KPNA6: variants seen among roughly 807,000 people sequenced by gnomAD.
KPNA6 encodes the protein karyopherin subunit alpha 6, also known as importin subunit alpha-7.
KPNA6 carries 9 observed loss-of-function variants against 72.0 expected under a neutral mutation model. That is an observed-to-expected ratio of 0.13 (90% CI 0.08 to 0.22). The LOEUF is 0.22. KPNA6 is among the 10% of genes least tolerant of loss of function. The pLI, the probability that KPNA6 is intolerant of heterozygous loss-of-function variation, is 1.00. For missense variants in KPNA6, 374 were observed against 655.7 expected (o/e 0.57, Z 4.69); for synonymous variants, 219 against 242.1 (o/e 0.90, Z 0.89).
At chr1:32,154,983 C>T (rs956238519) in intron 2 of KPNA6, among the ~76,000 whole-genome samples, 3 of 151,866 alleles carry the variant, frequency 2.0e-5, no homozygotes, top group Non-Finnish European at 2.9e-5. Context: ...TGGTGGCATG[C>T]GCCTGCAATC....
At chr1:32,141,375 CT>C (rs71006334) in intron 1 of KPNA6, among the ~76,000 whole-genome samples, 1 of 54,470 alleles carries the variant, frequency 1.8e-5, no homozygotes, top group Non-Finnish European at 4.0e-5. Flanking sequence ...TAAGTTAATC[CT>C]TTTTTTTTTT....
intron 11 of KPNA6, 75 bp downstream of exon 11, chr1:32,166,305 G>T (rs1445003784): frequency 2.6e-5 from 39 of 1,512,756 alleles, no homozygotes; most frequent in Non-Finnish European, 3.5e-5. Flanking sequence ...TTTGCTTTCA[G>T]AAGAAAGAAT....
At chr1:32,123,461 C>T (rs1486488509) in intron 1 of KPNA6, among the ~76,000 whole-genome samples, 3 of 152,008 alleles carry the variant, frequency 2.0e-5, no homozygotes, top group African/African-American at 4.8e-5. Context: ...CTAAACAGGG[C>T]GGGGCATGGT....
At chr1:32,131,510 A>G (rs549015753) in intron 1 of KPNA6, among the ~76,000 whole-genome samples, 7 of 152,196 alleles carry the variant, frequency 4.6e-5, no homozygotes, top group Middle Eastern at 3.4e-3. Flanking sequence ...GTAAAAAAAG[A>G]TTTAAAAATT....
At chr1:32,112,048 T>C (rs1023618253) in intron 1 of KPNA6, among the ~76,000 whole-genome samples, 1 of 152,200 alleles carries the variant, frequency 6.6e-6, no homozygotes, top group African/African-American at 2.4e-5. Flanking sequence ...TCTAGCTCCC[T>C]AGACAGTGAT....
chr1:32,146,999 G>A (rs1468857823), intron 1 of KPNA6, among the ~76,000 whole-genome samples: 1 of 151,938 alleles, frequency 6.6e-6, no homozygotes, highest in Non-Finnish European at 1.5e-5. Context: ...GGGACTGCAG[G>A]TGCATACCAC....
chr1:32,143,002 A>C (rs1211136518), intron 1 of KPNA6: 2 of 1,289,658 alleles, frequency 1.6e-6, no homozygotes, highest in East Asian at 1.1e-4. Context: ...GCCCAGGCTC[A>C]GTCATGAAAA....
intron 1 of KPNA6, among the ~76,000 whole-genome samples, chr1:32,144,894 C>G (rs575297713): frequency 1.3e-5 from 2 of 151,954 alleles, no homozygotes; most frequent in Admixed American, 1.3e-4. Flanking sequence ...AATCTCCCCA[C>G]CTCAGCCTCC....
chr1:32,137,636 G>A (rs564031752), intron 1 of KPNA6, among the ~76,000 whole-genome samples: 13 of 152,212 alleles, frequency 8.5e-5, no homozygotes, highest in South Asian at 8.3e-4. Context: ...TGCTATAGAC[G>A]CAAAGATAAG....
chr1:32,156,748 C>CTACT, intron 2 of KPNA6, 105 bp from the exon 3 acceptor site: 1 of 802,752 alleles, frequency 1.2e-6, no homozygotes, highest in South Asian at 1.8e-5. Context: ...CACTTCTCAG[C>CTACT]TACTCTAGTA....
At chr1:32,147,409 A>G (rs1229981640) in intron 1 of KPNA6, among the ~76,000 whole-genome samples, 1 of 151,900 alleles carries the variant, frequency 6.6e-6, no homozygotes, top group African/African-American at 2.4e-5. Flanking sequence ...CTCCTGACTT[A>G]GAGGTGTCCC....
chr1:32,167,404 C>G, intron 12 of KPNA6, 108 bp downstream of exon 12: 1 of 1,227,066 alleles, frequency 8.1e-7, no homozygotes, highest in East Asian at 2.4e-5. Context: ...GGTCTGCCCC[C>G]TAGTCTCACT....
chr1:32,115,705 A>G (rs1641317897), intron 1 of KPNA6, among the ~76,000 whole-genome samples: 2 of 152,020 alleles, frequency 1.3e-5, no homozygotes, highest in Admixed American at 1.3e-4. Flanking sequence ...GATTACAAGC[A>G]TGAGTCACTG....
chr1:32,154,718 A>G lies in KPNA6; in HGVS notation c.135A>G (p.Gln45=), dbSNP rs555091813. The G allele has an allele frequency of 6.2e-6, 10 of 1,614,004 alleles. No individual in the cohort carries two copies. Among genetic ancestry groups the G allele is most frequent in the Non-Finnish European group, 8.5e-6 (10 of 1,179,966 alleles). Residue 45 remains glutamine, a synonymous_variant, in exon 2 of 14, where the codon CAA becomes CAG. Transcript: ENST00000373625. Reference sequence around the variant, plus strand: ...AGCTCCGGAAGCAGAAGCGAGAGCAACAAGTGAGTTAATGGGAGTATTCTC... The same window carrying G: ...AGCTCCGGAAGCAGAAGCGAGAGCAGCAAGTGAGTTAATGGGAGTATTCTC... ...GIQLRKQKRE[Q]QLFKRRNVEL...
chr1:32,145,328 C>CTT (rs930080417), intron 1 of KPNA6, among the ~76,000 whole-genome samples: 2 of 139,090 alleles, frequency 1.4e-5, no homozygotes, highest in Non-Finnish European at 3.2e-5. Context: ...ATTTGTATTT[C>CTT]TTTTTTTTTT....
chr1:32,142,926 T>C, intron 1 of KPNA6: 4 of 1,285,892 alleles, frequency 3.1e-6, no homozygotes, highest in East Asian at 5.6e-5. Context: ...CTAAAGAAGC[T>C]CAGCATGGCT....
chr1:32,144,690 G>A (rs1280003712), intron 1 of KPNA6, among the ~76,000 whole-genome samples: 2 of 151,588 alleles, frequency 1.3e-5, no homozygotes, highest in African/African-American at 4.9e-5. Context: ...TCGCTCTGTC[G>A]CCCAGGGTGG....
intron 1 of KPNA6, among the ~76,000 whole-genome samples, chr1:32,153,761 T>A (rs1642083027): frequency 1.3e-5 from 2 of 152,168 alleles, no homozygotes; most frequent in Admixed American, 6.5e-5. Context: ...GGTCAAGATA[T>A]TTGTCAGTGG....
At position 32,171,874 on chromosome 1, in the gene KPNA6, C is replaced by T. The variant is rs1269224672; in HGVS notation, c.*980C>T. 1 of 152,112 alleles carries T rather than the reference C, an allele frequency of 6.6e-6. No homozygotes were observed. The highest frequency in any genetic ancestry group is 1.5e-5 in the Non-Finnish European group (1 of 68,032). The allele number at this position is 152,112 out of a possible 1,614,324, so 9.4% of individuals were successfully genotyped here. A position where few individuals can be genotyped will look rare whatever the true frequency, so the allele number is the denominator to read the frequency against. On this transcript the variant is annotated 3_prime_UTR_variant, in exon 14 of 14. Transcript: ENST00000373625. The stretch of plus-strand genomic sequence containing the variant: ...TAGGGGGCTGTGGTCCTTCCTTTCT[C>T]CTGAGGAGAAAGTCCTTGCTCTGGT...
Sources: allele counts gnomAD v4.1 joint callset (sites outside exome capture counted in the v4.1 genomes callset), GRCh38; gene constraint gnomAD v4.1.1; transcripts MANE v1.5; gene names NCBI Gene and HGNC (gene_info 2026-07-23, HGNC 2026-07-21).